Variants in LRRC7 observed in about 807,000 individuals in gnomAD.
The protein encoded by LRRC7 is leucine-rich repeat-containing protein 7.
In LRRC7, 23 loss-of-function variants were observed where a neutral mutation model predicts 175.7. The ratio of observed to expected loss-of-function variants is 0.13; its 90% CI spans 0.09 to 0.19. LRRC7 has a LOEUF of 0.19. Among genes scored for constraint, LRRC7 ranks in the 10% least tolerant of loss-of-function variants. The pLI, the probability that LRRC7 is intolerant of heterozygous loss-of-function variation, is 1.00. For synonymous variants in LRRC7, 685 were observed against 680.9 expected, an observed-to-expected ratio of 1.01 and a Z score of -0.09; for missense variants, 1,354 against 1,904.7, an observed-to-expected ratio of 0.71 and a Z score of 5.38.
At chr1:69,834,917 A>C (rs751881066) in intron 6 of LRRC7, 48 bp downstream of exon 6, 18 of 1,464,078 alleles carry the variant, frequency 1.2e-5, no homozygotes, top group Non-Finnish European at 1.7e-5. Context: ...ACCTTAGGTA[A>C]GTGCTTTACC....
At chr1:69,894,908 G>T (rs931461870) in intron 7 of LRRC7, among the ~76,000 whole-genome samples, 1 of 152,164 alleles carries the variant, frequency 6.6e-6, no homozygotes, top group Non-Finnish European at 1.5e-5. Flanking sequence ...AACAGTGGCC[G>T]TTATCAACAA....
At chr1:69,705,651 A>G (rs1460837176) in intron 2 of LRRC7, among the ~76,000 whole-genome samples, 5 of 152,250 alleles carry the variant, frequency 3.3e-5, no homozygotes, top group African/African-American at 1.2e-4. Context: ...AACTAGCTCT[A>G]GAGTCATGGC....
chr1:69,632,567 A>G (rs940079797), intron 1 of LRRC7, among the ~76,000 whole-genome samples: 1 of 152,038 alleles, frequency 6.6e-6, no homozygotes, highest in African/African-American at 2.4e-5. Context: ...AGTACTCCAA[A>G]TCACTGTTCT....
At position 69,718,206 on chromosome 1, in the gene LRRC7, A is replaced by G. The variant is rs145679871; in HGVS notation, c.100+39728A>G. On this transcript the variant is annotated intron_variant, in intron 2 of 26. Transcript: ENST00000651989. ...AAAAGAAAGAGAGAGAGAAAGAAAC[A>G]TGGTAGCAATATGAGACTAGACTGC... is the stretch of plus-strand genomic sequence containing the variant. 8.7e-3 allele frequency among the ~76,000 whole-genome samples: 1,316 copies of G among 151,776 alleles called. 21 individuals are homozygous for G. The highest frequency in any genetic ancestry group is 0.03 in the African/African-American group (1,235 of 41,446).
intron 18 of LRRC7, among the ~76,000 whole-genome samples, chr1:70,035,405 G>A (rs892367048): frequency 6.6e-6 from 1 of 152,018 alleles, no homozygotes; most frequent in Non-Finnish European, 1.5e-5. Context: ...TTATAGTCGT[G>A]TATCGATGTT....
chr1:69,773,494 T>A (rs1277147140), intron 3 of LRRC7, among the ~76,000 whole-genome samples: 2 of 152,064 alleles, frequency 1.3e-5, no homozygotes, highest in Admixed American at 1.3e-4. Flanking sequence ...ACATGAAATT[T>A]GGGATTAAAG....
chr1:69,638,438 C>A (rs1653720098), intron 1 of LRRC7, among the ~76,000 whole-genome samples: 1 of 151,794 alleles, frequency 6.6e-6, no homozygotes, highest in East Asian at 2.0e-4. Flanking sequence ...ATTAGAAAAT[C>A]ATTTGTTGCA....
chr1:69,657,122 ATGTGTGTGTGTG>A (rs1017592263), intron 1 of LRRC7, among the ~76,000 whole-genome samples: 1 of 150,250 alleles, frequency 6.7e-6, no homozygotes, highest in Non-Finnish European at 1.5e-5. Flanking sequence ...GTGTGTGTGT[ATGTGTGTGTGTG>A]TGTTACTGGT....
In LRRC7 at chr1:70,140,816, T is replaced by C. The variant is rs1005570089; in HGVS notation, c.*18929T>C. 6.6e-6 allele frequency among the ~76,000 whole-genome samples: 1 copy of C among 152,158 alleles called. No homozygotes were observed. Among genetic ancestry groups the C allele is most frequent in the South Asian group, 2.1e-4 (1 of 4,830 alleles). ...TCCAATCACAGCCACAAAGACTGAA[T>C]ATTTTGGTTCAGATGGCTTTCCCTT... On this transcript the variant is annotated 3_prime_UTR_variant, in exon 27 of 27. Coordinates refer to ENST00000651989, the MANE Select transcript of LRRC7 (RefSeq NM_001370785.2).
At chr1:69,594,696 G>A (rs978456412) in intron 1 of LRRC7, among the ~76,000 whole-genome samples, 9 of 152,074 alleles carry the variant, frequency 5.9e-5, no homozygotes, top group African/African-American at 2.2e-4. Context: ...ATAATCTCTA[G>A]GCTGAAATAT....
In LRRC7 at chr1:70,014,837, A is replaced by T. The variant is rs142571168; in HGVS notation, c.1251-1628A>T. Among the ~76,000 whole-genome samples the T allele has an allele frequency of 3.3e-5, 5 of 152,162 alleles. No homozygotes were observed. In the East Asian group the frequency reaches 9.7e-4, roughly 29 times the overall value. ...GTTACCAAATAGGAGCTCACTTGCA[A>T]TAGAGGTCACTGGAAAAGGAAAGAA... On this transcript the variant is annotated intron_variant, in intron 13 of 26. Coordinates refer to ENST00000651989, the MANE Select transcript of LRRC7 (RefSeq NM_001370785.2).
chr1:70,008,137 T>TG (rs1326389317), intron 11 of LRRC7, among the ~76,000 whole-genome samples: 1 of 152,176 alleles, frequency 6.6e-6, no homozygotes, highest in Non-Finnish European at 1.5e-5. Flanking sequence ...CTGAAGAACT[T>TG]GGAGTCCAAT....
At chr1:69,634,341 T>C (rs1652988984) in intron 1 of LRRC7, among the ~76,000 whole-genome samples, 1 of 152,154 alleles carries the variant, frequency 6.6e-6, no homozygotes, top group Non-Finnish European at 1.5e-5. Context: ...TAATTTTATG[T>C]TGATTTTGAA....
intron 11 of LRRC7, among the ~76,000 whole-genome samples, chr1:70,002,098 A>C (rs1357581747): frequency 6.6e-6 from 1 of 152,190 alleles, no homozygotes; most frequent in Non-Finnish European, 1.5e-5. Context: ...GCTGCGAAGG[A>C]GATACCACAG....
At chr1:70,012,670 G>A (rs530420308) in intron 12 of LRRC7, among the ~76,000 whole-genome samples, 1 of 151,464 alleles carries the variant, frequency 6.6e-6, no homozygotes, top group African/African-American at 2.4e-5. Flanking sequence ...TACTCACTTC[G>A]ACAGACAAAA....
At chr1:69,872,443 G>C (rs1277259414) in intron 7 of LRRC7, among the ~76,000 whole-genome samples, 1 of 151,872 alleles carries the variant, frequency 6.6e-6, no homozygotes, top group Non-Finnish European at 1.5e-5. Flanking sequence ...ATGGAGTCAG[G>C]TGCACAAGCT....
intron 23 of LRRC7, among the ~76,000 whole-genome samples, chr1:70,056,315 A>G (rs912465764): frequency 6.6e-6 from 1 of 152,208 alleles, no homozygotes; most frequent in African/African-American, 2.4e-5. Flanking sequence ...CAGAAAAGAA[A>G]TAATCAAAGA....
At chr1:70,037,067 A>G (rs1659387656) in intron 20 of LRRC7, among the ~76,000 whole-genome samples, 1 of 152,160 alleles carries the variant, frequency 6.6e-6, no homozygotes, top group Admixed American at 6.5e-5. Flanking sequence ...GTCAGGATGT[A>G]TTTTTAAGTA....
At position 70,132,397 on chromosome 1, in the gene LRRC7, A is replaced by G. The variant is rs1446166917; in HGVS notation, c.*10510A>G. On this transcript the variant is annotated 3_prime_UTR_variant, in exon 27 of 27. Transcript: ENST00000651989. ...CATACAACTTCTCAGAACAAGGAAAAAAGTTATCTCATTTTTAAAAATTAC... is the reference window on the plus strand; with the variant it reads ...CATACAACTTCTCAGAACAAGGAAAGAAGTTATCTCATTTTTAAAAATTAC... The G allele has an allele frequency of 3.3e-5, 5 of 152,606 alleles. No homozygotes were observed. The highest frequency in any genetic ancestry group is 1.2e-4 in the African/African-American group (5 of 41,418). The allele number at this position is 152,606 out of a possible 1,614,324, so 9.5% of individuals were successfully genotyped here. A position where few individuals can be genotyped will look rare whatever the true frequency, so the allele number is the denominator to read the frequency against.
Sources: gnomAD v4.1 joint callset for allele counts (sites outside exome capture counted in the v4.1 genomes callset) on GRCh38, gnomAD v4.1.1 for gene constraint, MANE v1.5 for transcripts, NCBI Gene and HGNC (gene_info 2026-07-23, HGNC 2026-07-21) for gene names.